IPO9: variants seen among roughly 807,000 people sequenced by gnomAD.
IPO9 encodes the protein importin-9.
Under a neutral mutation model 128.6 loss-of-function variants are expected in IPO9, and 28 were observed. That is an observed-to-expected ratio of 0.22 (90% CI 0.16 to 0.30). The LOEUF is 0.30. IPO9 is among the 10% of genes least tolerant of loss of function. The pLI is 1.00. For synonymous variants in IPO9, 455 were observed against 475.8 expected (o/e 0.96, Z 0.57); for missense variants, 935 against 1,293.9 (o/e 0.72, Z 4.26).
intron 4 of IPO9, among the ~76,000 whole-genome samples, chr1:201,851,280 G>C (rs1384475889): frequency 6.6e-6 from 1 of 150,580 alleles, no homozygotes; most frequent in East Asian, 2.0e-4. Flanking sequence ...ACCTCCCAAA[G>C]CTCTGGGATT....
At chr1:201,854,571 A>G (rs1303796687) in intron 6 of IPO9, 24 bp from the exon 7 acceptor site, 1 of 1,612,200 alleles carries the variant, frequency 6.2e-7, no homozygotes. Flanking sequence ...TTTGTCCAGT[A>G]TTGACTTTGG....
Position 201,876,723 on chromosome 1 carries a change from A to G in IPO9, c.*669A>G, listed in dbSNP as rs1365839477. On this transcript the variant is annotated 3_prime_UTR_variant, in exon 24 of 24. Transcript: ENST00000361565. The stretch of plus-strand genomic sequence containing the variant: ...TATACATGCACACACAAAATAAGCC[A>G]GACAGATGGCAATTTGATCTTCCTT... The G allele has an allele frequency of 6.6e-6, 1 of 151,746 alleles. No homozygotes were observed. Among genetic ancestry groups the G allele is most frequent in the East Asian group, 1.9e-4 (1 of 5,150 alleles). The allele number at this position is 151,746 out of a possible 1,614,324, so 9.4% of individuals were successfully genotyped here. A position where few individuals can be genotyped will look rare whatever the true frequency, so the allele number is the denominator to read the frequency against.
rs77500996 is a variant in IPO9, at chr1:201,852,683, A to G, written c.604-328A>G. ...CCCTATTCCCCTCTGCCCCCAACCA[A>G]TGGTCTGCATTTTAAAGGAAATATA... On this transcript the variant is annotated intron_variant, in intron 5 of 23. Transcript: ENST00000361565. Among the ~76,000 whole-genome samples the G allele has an allele frequency of 5.7e-3, 869 of 152,212 alleles. 8 individuals are homozygous for G. Among genetic ancestry groups the G allele is most frequent in the African/African-American group, 0.02 (817 of 41,524 alleles).
chr1:201,831,244 TC>T, intron 1 of IPO9, among the ~76,000 whole-genome samples: 1 of 152,292 alleles, frequency 6.6e-6, no homozygotes, highest in East Asian at 1.9e-4. Context: ...GAGAAATAGA[TC>T]GACTGCCCCC....
rs1236302456 is a variant in IPO9, at chr1:201,870,915, C to T, written c.2409+57C>T. Reference sequence around the variant, plus strand: ...TCCCTGGCTGATAGAAATGAAAATTCGTATTTTGGTCCTGAGTTATTTTAT... The same window carrying T: ...TCCCTGGCTGATAGAAATGAAAATTTGTATTTTGGTCCTGAGTTATTTTAT... On this transcript the variant is annotated intron_variant, in intron 18 of 23. Transcript: ENST00000361565. This position sits in a 1 kb window ranked among gnomAD's most constrained non-coding sequence, Gnocchi z 4.9. 1.0e-5 allele frequency: 15 copies of T among 1,490,982 alleles called. No individual in the cohort carries two copies. Among genetic ancestry groups the T allele is most frequent in the Middle Eastern group, 1.8e-4 (1 of 5,676 alleles). 92.4% of individuals were successfully genotyped at this position (1,490,982 alleles called of 1,614,324 possible).
At chr1:201,836,759 C>A (rs1304983993) in intron 1 of IPO9, among the ~76,000 whole-genome samples, 1 of 152,018 alleles carries the variant, frequency 6.6e-6, no homozygotes, top group East Asian at 1.9e-4. Context: ...CTCTTTCATC[C>A]CCCTATAACC....
At chr1:201,838,212 T>A (rs1457526802) in intron 1 of IPO9, among the ~76,000 whole-genome samples, 1 of 152,248 alleles carries the variant, frequency 6.6e-6, no homozygotes, top group Non-Finnish European at 1.5e-5. Context: ...ACAGTGACAT[T>A]CTAAGCAGAC....
At chr1:201,842,409 A>G (rs529685865) in intron 1 of IPO9, among the ~76,000 whole-genome samples, 8 of 152,212 alleles carry the variant, frequency 5.3e-5, no homozygotes, top group Admixed American at 2.0e-4. Context: ...TTGATGATCA[A>G]CTTAACCTTC....
At position 201,855,787 on chromosome 1, in the gene IPO9, A is replaced by C. The variant is rs1383670446; in HGVS notation, c.975A>C (p.Glu325Asp). The change falls in exon 10 of 24, where the codon GAA becomes GAC. Residue 325 changes from glutamate to aspartate, a missense_variant. This residue lies in a region of IPO9 where 741 missense variants were observed against 1,019.1 expected (regional missense o/e 0.73). Coordinates refer to ENST00000361565, the MANE Select transcript of IPO9 (RefSeq NM_018085.5). Reference protein sequence around the residue: ...EVEDPVDSDGEVLGFENLVFS... With the variant: ...EVEDPVDSDGDVLGFENLVFS... ...TCTCTTCTGTATTTCCTGCAGGTGA[A>C]GTCCTGGGCTTTGAAAATCTCGTCT... The C allele has an allele frequency of 1.9e-6, 3 of 1,607,088 alleles. No homozygotes were observed. In the Admixed American group the frequency reaches 5.2e-5, roughly 28 times the overall value.
chr1:201,856,765 C>T (rs181566388), intron 10 of IPO9, among the ~76,000 whole-genome samples: 3 of 152,302 alleles, frequency 2.0e-5, no homozygotes, highest in Non-Finnish European at 4.4e-5. Flanking sequence ...AAGCTCACGG[C>T]AGCCTTGACC....
Position 201,852,241 on chromosome 1 carries a change from C to T in IPO9, c.603+49C>T, listed in dbSNP as rs750871111. 10 of 1,211,910 alleles carry T rather than the reference C, an allele frequency of 8.3e-6. No individual in the cohort carries two copies. In the East Asian group the frequency reaches 2.1e-4, roughly 26 times the overall value. 75.1% of individuals were successfully genotyped at this position (1,211,910 alleles called of 1,614,324 possible). A position where few individuals can be genotyped will look rare whatever the true frequency, so the allele number is the denominator to read the frequency against. On this transcript the variant is annotated intron_variant, in intron 5 of 23. Coordinates refer to ENST00000361565, the MANE Select transcript of IPO9 (RefSeq NM_018085.5). ...TATAGTGAGTTCAGGCTCTCTTCAG[C>T]CCCCAGCCTTTCAGGTGGGAGATTA...
chr1:201,872,729 C>A, intron 19 of IPO9, 99 bp from the exon 20 acceptor site: 1 of 1,349,924 alleles, frequency 7.4e-7, no homozygotes, highest in East Asian at 2.5e-5. Flanking sequence ...ACGGAATTTT[C>A]ACTATCAAAT....
At chr1:201,842,899 A>G (rs1330171568) in intron 1 of IPO9, among the ~76,000 whole-genome samples, 1 of 152,240 alleles carries the variant, frequency 6.6e-6, no homozygotes, top group Non-Finnish European at 1.5e-5. Context: ...TAATTGAGCT[A>G]AGAAGCAATG....
chr1:201,835,414 A>G (rs1190713293), intron 1 of IPO9, among the ~76,000 whole-genome samples: 4 of 152,250 alleles, frequency 2.6e-5, no homozygotes, highest in African/African-American at 9.6e-5. Context: ...AGACTAAAAG[A>G]GAATGAGACT....
At chr1:201,858,709 T>C (rs1050029415) in intron 12 of IPO9, 146 bp from the exon 13 acceptor site, 3 of 859,528 alleles carry the variant, frequency 3.5e-6, no homozygotes, top group African/African-American at 3.4e-5. Context: ...TCTTTTCAGC[T>C]ATAGGTTAGA....
At chr1:201,851,628 G>A (rs1012083493) in intron 4 of IPO9, among the ~76,000 whole-genome samples, 3 of 152,256 alleles carry the variant, frequency 2.0e-5, no homozygotes, top group African/African-American at 2.4e-5. Flanking sequence ...TCTGAGAAGA[G>A]TAACATATAC....
chr1:201,852,081 C>T, intron 4 of IPO9, 23 bp from the exon 5 acceptor site: 3 of 1,443,088 alleles, frequency 2.1e-6, no homozygotes, highest in African/African-American at 1.4e-5. Flanking sequence ...TTTTTTTTAA[C>T]AGTACTACTT....
intron 1 of IPO9, 51 bp downstream of exon 1, chr1:201,829,423 A>T: frequency 6.8e-7 from 1 of 1,475,046 alleles, no homozygotes; most frequent in Non-Finnish European, 9.0e-7. Context: ...CAATCCGCTG[A>T]CCGCAGCTCC....
intron 1 of IPO9, among the ~76,000 whole-genome samples, chr1:201,847,074 T>C (rs1349578735): frequency 1.3e-5 from 2 of 152,214 alleles, no homozygotes; most frequent in African/African-American, 4.8e-5. Flanking sequence ...AGTGTAAGGG[T>C]GTTGAAACTT....
Sources: gnomAD v4.1 joint callset for allele counts (sites outside exome capture counted in the v4.1 genomes callset) on GRCh38, gnomAD v4.1.1 for gene constraint, gnomAD v4.1.1 regional missense constraint, Gnocchi (gnomAD v3.1) non-coding constraint, MANE v1.5 for transcripts, NCBI Gene and HGNC (gene_info 2026-07-23, HGNC 2026-07-21) for gene names.